Variants in GDPD1 observed in about 807,000 individuals in gnomAD.
GDPD1 encodes lysophospholipase D GDPD1.
Under a neutral mutation model 45.1 loss-of-function variants are expected in GDPD1, and 28 were observed. The observed-to-expected ratio is 0.62, with a 90% CI of 0.46 to 0.85. The LOEUF (loss-of-function observed/expected upper bound fraction) is 0.85, where lower values mean the gene tolerates loss of function less well. GDPD1 is among the 40% of genes least tolerant of loss of function. GDPD1 has a pLI of 0.00. For missense variants in GDPD1, 256 were observed against 364.8 expected, an observed-to-expected ratio of 0.70 and a Z score of 2.43; for synonymous variants, 139 against 131.4, an observed-to-expected ratio of 1.06 and a Z score of -0.40.
chr17:59,256,083 C>G (rs1418396111), intron 4 of GDPD1, among the ~76,000 whole-genome samples: 5 of 151,480 alleles, frequency 3.3e-5, no homozygotes, highest in Non-Finnish European at 7.4e-5. Context: ...CTTCGGGAGG[C>G]CGAGGCGGGC....
intron 1 of GDPD1, among the ~76,000 whole-genome samples, chr17:59,225,374 G>A (rs2047040168): frequency 6.6e-6 from 1 of 152,032 alleles, no homozygotes; most frequent in Non-Finnish European, 1.5e-5. Flanking sequence ...ATAGTGCTAG[G>A]ATTACAGGCA....
At chr17:59,233,620 C>T (rs918235074) in intron 1 of GDPD1, among the ~76,000 whole-genome samples, 3 of 151,706 alleles carry the variant, frequency 2.0e-5, no homozygotes, top group Admixed American at 2.0e-4. Flanking sequence ...TATAGGTATT[C>T]TGGTGATGCT....
chr17:59,222,704 G>A, intron 1 of GDPD1, among the ~76,000 whole-genome samples: 1 of 151,422 alleles, frequency 6.6e-6, no homozygotes, highest in Non-Finnish European at 1.5e-5. Flanking sequence ...TAGTGGAGAC[G>A]AGGTTTCACC....
chr17:59,231,324 C>CTTTTTT (rs557850341), intron 1 of GDPD1, among the ~76,000 whole-genome samples: 61 of 114,392 alleles, frequency 5.3e-4, no homozygotes, highest in African/African-American at 1.4e-3. Flanking sequence ...TTCTTTCTTT[C>CTTTTTT]TTTTTTTTTT....
chr17:59,224,925 C>A (rs2147872145), intron 1 of GDPD1, among the ~76,000 whole-genome samples: 1 of 152,156 alleles, frequency 6.6e-6, no homozygotes, highest in African/African-American at 2.4e-5. Context: ...ATATATGAAG[C>A]AGATATGAGA....
Position 59,220,548 on chromosome 17 carries a change from G to A in GDPD1, c.-62G>A. 1 of 1,562,238 alleles carries A rather than the reference G, an allele frequency of 6.4e-7. No individual in the cohort carries two copies. The highest frequency in any genetic ancestry group is 1.2e-5 in the South Asian group (1 of 86,312). ...AGCAGCCGCCGCCGCCGCCGTCGTT[G>A]CTACTGCCGCAGCGGAGTTCAGAGG... On this transcript the variant is annotated 5_prime_UTR_variant, in exon 1 of 10. Coordinates refer to ENST00000284116, the MANE Select transcript of GDPD1 (RefSeq NM_182569.4).
intron 9 of GDPD1, 21 bp downstream of exon 9, chr17:59,272,857 A>G (rs2047453883): frequency 6.2e-7 from 1 of 1,613,970 alleles, no homozygotes; most frequent in Non-Finnish European, 8.5e-7. Flanking sequence ...GGAATGATGC[A>G]TTTTGGAAGC....
rs35411377 is a variant in GDPD1, at chr17:59,274,512, CAAAAAAAAAA to C, written c.*754_*763del. Reference sequence around the variant, plus strand: ...TGGGAGACAGAGTGAGACTCCGTCTCAAAAAAAAAAAAAAAAAAAAAAAATGGGAGGCCGA... The same window carrying C: ...TGGGAGACAGAGTGAGACTCCGTCTCAAAAAAAAAAAAAATGGGAGGCCGA... On this transcript the variant is annotated 3_prime_UTR_variant, in exon 10 of 10. Coordinates refer to ENST00000284116, the MANE Select transcript of GDPD1 (RefSeq NM_182569.4). The C allele has an allele frequency of 3.8e-4, 26 of 67,960 alleles. No homozygotes were observed. The highest frequency in any genetic ancestry group is 0.02 in the Middle Eastern group (1 of 50). 4.2% of individuals were successfully genotyped at this position (67,960 alleles called of 1,614,324 possible).
intron 6 of GDPD1, among the ~76,000 whole-genome samples, chr17:59,263,410 A>C (rs760480243): frequency 7.2e-5 from 11 of 151,862 alleles, no homozygotes; most frequent in African/African-American, 2.7e-4. Flanking sequence ...AAAATGTCTC[A>C]ATAAAATTTG....
intron 1 of GDPD1, among the ~76,000 whole-genome samples, chr17:59,231,327 T>TC (rs1335285565): frequency 6.3e-5 from 9 of 143,704 alleles, no homozygotes; most frequent in African/African-American, 1.3e-4. Flanking sequence ...TTTCTTTCTT[T>TC]TTTTTTTTTT....
At position 59,245,414 on chromosome 17, in the gene GDPD1, T is replaced by C; in HGVS notation, c.186T>C (p.His62=). The C allele has an allele frequency of 6.2e-7, 1 of 1,608,866 alleles. No individual in the cohort carries two copies. Among genetic ancestry groups the C allele is most frequent in the Non-Finnish European group, 8.5e-7 (1 of 1,177,624 alleles). The change falls in exon 3 of 10, where the codon CAT becomes CAC. Residue 62 remains histidine, a splice_region_variant and synonymous_variant. Transcript: ENST00000284116. Reference sequence around the variant, plus strand: ...TGTCATTCTTCTTTTATTTCTTCAGTGCGGTTAAAATCGGAACTGATATGC... The same window carrying C: ...TGTCATTCTTCTTTTATTTCTTCAGCGCGGTTAAAATCGGAACTGATATGC... ...NLENTMAAFQ[H]AVKIGTDMLE...
chr17:59,264,905 A>G (rs763824141), intron 6 of GDPD1, among the ~76,000 whole-genome samples: 5 of 152,024 alleles, frequency 3.3e-5, no homozygotes, highest in African/African-American at 4.8e-5. Context: ...CAGTGGCTCA[A>G]TCTTGGCTCA....
At chr17:59,255,944 G>A (rs992545831) in intron 4 of GDPD1, among the ~76,000 whole-genome samples, 2 of 146,328 alleles carry the variant, frequency 1.4e-5, no homozygotes, top group East Asian at 2.0e-4. Context: ...GAGGATTGCT[G>A]GAGTGTGGGA....
intron 6 of GDPD1, 108 bp from the exon 7 acceptor site, chr17:59,266,933 T>C: frequency 1.1e-6 from 1 of 888,926 alleles, no homozygotes. Flanking sequence ...CAGGAATGCT[T>C]GTAATAGATT....
chr17:59,223,396 A>G (rs1191833026), intron 1 of GDPD1, among the ~76,000 whole-genome samples: 1 of 152,206 alleles, frequency 6.6e-6, no homozygotes, highest in East Asian at 1.9e-4. Flanking sequence ...ATGTACACTC[A>G]ATACTCCAGT....
intron 1 of GDPD1, 102 bp from the exon 2 acceptor site, chr17:59,234,390 A>C: frequency 1.2e-4 from 80 of 693,990 alleles, no homozygotes; most frequent in South Asian, 3.7e-4. Context: ...CTACCCCCAA[A>C]AAAAAAAAAA....
At chr17:59,261,523 G>A (rs1808363010) in intron 6 of GDPD1, among the ~76,000 whole-genome samples, 1 of 151,456 alleles carries the variant, frequency 6.6e-6, no homozygotes, top group African/African-American at 2.4e-5. Context: ...TTAAAACAAG[G>A]ACTTGCTCTG....
At position 59,261,913 on chromosome 17, in the gene GDPD1, C is replaced by CTTTTTTTTTTTTTTTTT. The variant is rs58058526; in HGVS notation, c.576+4079_576+4095dup. Reference sequence around the variant, plus strand: ...TTTCCCAAAGTGCTGAGATTACAGGCTTTTTTTTTTTTTTTTTTTTTTGAG... The same window carrying CTTTTTTTTTTTTTTTTT: ...TTTCCCAAAGTGCTGAGATTACAGGCTTTTTTTTTTTTTTTTTTTTTTTTTTTTTTTTTTTTTTTGAG... On this transcript the variant is annotated intron_variant, in intron 6 of 9. Coordinates refer to ENST00000284116, the MANE Select transcript of GDPD1 (RefSeq NM_182569.4). Among the ~76,000 whole-genome samples the CTTTTTTTTTTTTTTTTT allele has an allele frequency of 4.9e-4, 39 of 79,334 alleles. 5 individuals carry two copies. Among genetic ancestry groups the CTTTTTTTTTTTTTTTTT allele is most frequent in the East Asian group, 1.7e-3 (4 of 2,378 alleles). 52.0% of individuals were successfully genotyped at this position (79,334 alleles called of 152,430 possible). A position where few individuals can be genotyped will look rare whatever the true frequency, so the allele number is the denominator to read the frequency against.
At chr17:59,258,456 T>A (rs2147896911) in intron 6 of GDPD1, among the ~76,000 whole-genome samples, 1 of 152,062 alleles carries the variant, frequency 6.6e-6, no homozygotes, top group Non-Finnish European at 1.5e-5. Flanking sequence ...GGCAGAAGAA[T>A]CACTTGAACC....
Sources: allele counts gnomAD v4.1 joint callset (sites outside exome capture counted in the v4.1 genomes callset), GRCh38; gene constraint gnomAD v4.1.1; transcripts MANE v1.5; gene names NCBI Gene and HGNC (gene_info 2026-07-23, HGNC 2026-07-21).